Variants in HOXB1 observed in about 807,000 individuals in gnomAD.
HOXB1 encodes the protein homeobox protein Hox-B1.
In HOXB1, 13 loss-of-function variants were observed where a neutral mutation model predicts 26.9. That is an observed-to-expected ratio of 0.48 (90% CI 0.31 to 0.77). The LOEUF is 0.77. HOXB1 is among the 30% of genes least tolerant of loss of function. HOXB1 has a pLI of 0.04. For missense variants in HOXB1, 366 were observed against 403.6 expected (o/e 0.91, Z 0.80); for synonymous variants, 168 against 170.8 (o/e 0.98, Z 0.13).
At chr17:48,530,000 TC>T in intron 1 of HOXB1, 125 bp from the exon 2 acceptor site, 1 of 831,348 alleles carries the variant, frequency 1.2e-6, no homozygotes, top group Non-Finnish European at 1.9e-6. Context: ...TTGTCAAAGT[TC>T]CCAGGGACCA....
chr17:48,530,667 C>A lies in HOXB1; in HGVS notation c.238G>T (p.Ala80Ser), dbSNP rs199503961. Residue 80 changes from alanine to serine, a missense_variant, in exon 1 of 2, where the codon GCG becomes TCG. Coordinates refer to ENST00000239174, the MANE Select transcript of HOXB1 (RefSeq NM_002144.4). This position sits in a 1 kb window ranked among gnomAD's most constrained non-coding sequence, Gnocchi z 6.2. ...GCGGCAGGAGCATACCCCGAGGGCG[C>A]GGAGCTGGGGAAGGGCACCCCCAGG... is the stretch of plus-strand genomic sequence containing the variant. ...STLGVPFPSS[A>S]PSGYAPAACS... 1 of 1,613,610 alleles carries A rather than the reference C, an allele frequency of 6.2e-7. No individual in the cohort carries two copies. The highest frequency in any genetic ancestry group is 1.1e-5 in the South Asian group (1 of 91,072).
At position 48,529,675 on chromosome 17, in the gene HOXB1, T is replaced by G. The variant is rs1252047691; in HGVS notation, c.778A>C (p.Lys260Gln). 3 of 1,612,918 alleles carry G rather than the reference T, an allele frequency of 1.9e-6. No individual in the cohort carries two copies. Among genetic ancestry groups the G allele is most frequent in the African/African-American group, 1.3e-5 (1 of 74,908 alleles). The change falls in exon 2 of 2, where the codon AAG (lysine) becomes CAG (glutamine). Residue 260 changes from lysine (K) to glutamine (Q), a missense_variant. Lys to Gln is a moderately conservative substitution (Grantham distance 53, BLOSUM62 1). Transcript: ENST00000239174. ...ACCCGACCTTCCTCTCGCTCGCGCT[T>G]CTTCTGCTTCATTCGTCGGTTCTGG... is the stretch of plus-strand genomic sequence containing the variant. ...WFQNRRMKQK[K>Q]REREEGRVPP... is the part of the protein sequence containing the mutation.
Position 48,530,641 on chromosome 17 carries a change from G to A in HOXB1, c.264C>T (p.Ala88=). 6.2e-7 allele frequency: 1 copy of A among 1,613,906 alleles called. No individual in the cohort carries two copies. Among genetic ancestry groups the A allele is most frequent in the Admixed American group, 1.7e-5 (1 of 60,024 alleles). ...GAGAAGGCCCGTAGCTGGGGCTGCA[G>A]GCGGCAGGAGCATACCCCGAGGGCG... ...SSAPSGYAPA[A]CSPSYGPSQY... is the part of the protein sequence containing the mutation. Residue 88 remains alanine, a synonymous_variant, in exon 1 of 2, where the codon GCC becomes GCT. Coordinates refer to ENST00000239174, the MANE Select transcript of HOXB1 (RefSeq NM_002144.4). The surrounding 1 kb of genome is among the most constrained non-coding windows in gnomAD (Gnocchi z 6.2).
chr17:48,529,525 C>G lies in HOXB1; in HGVS notation c.*22G>C, dbSNP rs2068419375. 11 of 1,505,574 alleles carry G rather than the reference C, an allele frequency of 7.3e-6. No homozygotes were observed. Among genetic ancestry groups the G allele is most frequent in the Non-Finnish European group, 9.8e-6 (11 of 1,124,776 alleles). The allele number at this position is 1,505,574 out of a possible 1,614,324, so 93.3% of individuals were successfully genotyped here. A position where few individuals can be genotyped will look rare whatever the true frequency, so the allele number is the denominator to read the frequency against. On this transcript the variant is annotated 3_prime_UTR_variant, in exon 2 of 2. Transcript: ENST00000239174. Reference sequence around the variant, plus strand: ...CTGGGGCGCTCCAGTGCCTGGAAGCCCCATTGGTGGCTAGGTTCAGTTCAG... The same window carrying G: ...CTGGGGCGCTCCAGTGCCTGGAAGCGCCATTGGTGGCTAGGTTCAGTTCAG...
chr17:48,529,535 G>A lies in HOXB1; in HGVS notation c.*12C>T, dbSNP rs769620639. 77 of 1,511,864 alleles carry A rather than the reference G, an allele frequency of 5.1e-5. 1 individual carries two copies. The South Asian group carries it at 9.5e-4, about 19-fold the overall frequency. The allele number at this position is 1,511,864 out of a possible 1,614,324, so 93.7% of individuals were successfully genotyped here. A position where few individuals can be genotyped will look rare whatever the true frequency, so the allele number is the denominator to read the frequency against. The stretch of plus-strand genomic sequence containing the variant: ...CCAGTGCCTGGAAGCCCCATTGGTG[G>A]CTAGGTTCAGTTCAGGAGGTGACAG... On this transcript the variant is annotated 3_prime_UTR_variant, in exon 2 of 2. Transcript: ENST00000239174.
At position 48,529,619 on chromosome 17, in the gene HOXB1, C is replaced by T. The variant is rs201731586; in HGVS notation, c.834G>A (p.Glu278=). Residue 278 remains glutamate, a synonymous_variant, in exon 2 of 2, where the codon GAG becomes GAA. Coordinates refer to ENST00000239174, the MANE Select transcript of HOXB1 (RefSeq NM_002144.4). ...ACTGGTCTGAGGCATCTCCAGCTGC[C>T]TCCTTGGGGCAGCCTGGTGGGGCTG... The part of the protein sequence containing the change: ...VPPAPPGCPK[E]AAGDASDQST... The T allele has an allele frequency of 1.1e-5, 18 of 1,592,622 alleles. No individual in the cohort carries two copies. The East Asian group carries it at 3.8e-4, about 34-fold the overall frequency.
chr17:48,530,714 G>C lies in HOXB1; in HGVS notation c.191C>G (p.Pro64Arg). ...SPAFQQNSGYPAQQPPSTLGV... is the reference protein window; with the variant it reads ...SPAFQQNSGYRAQQPPSTLGV... ...CAGGGTCGAAGGCGGCTGCTGGGCGGGATAGCCGGAGTTCTGCTGAAACGC... is the reference window on the plus strand; with the variant it reads ...CAGGGTCGAAGGCGGCTGCTGGGCGCGATAGCCGGAGTTCTGCTGAAACGC... Residue 64 changes from proline (P) to arginine (R), a missense_variant, in exon 1 of 2, where the codon CCC (proline) becomes CGC (arginine). Coordinates refer to ENST00000239174, the MANE Select transcript of HOXB1 (RefSeq NM_002144.4). The surrounding 1 kb of genome is among the most constrained non-coding windows in gnomAD (Gnocchi z 6.2). The C allele has an allele frequency of 6.2e-7, 1 of 1,612,366 alleles. No homozygotes were observed. The highest frequency in any genetic ancestry group is 8.5e-7 in the Non-Finnish European group (1 of 1,179,246).
Position 48,529,528 on chromosome 17 carries a change from A to T in HOXB1, c.*19T>A. Reference sequence around the variant, plus strand: ...GGGCGCTCCAGTGCCTGGAAGCCCCATTGGTGGCTAGGTTCAGTTCAGGAG... The same window carrying T: ...GGGCGCTCCAGTGCCTGGAAGCCCCTTTGGTGGCTAGGTTCAGTTCAGGAG... On this transcript the variant is annotated 3_prime_UTR_variant, in exon 2 of 2. Coordinates refer to ENST00000239174, the MANE Select transcript of HOXB1 (RefSeq NM_002144.4). 3.3e-6 allele frequency: 5 copies of T among 1,506,840 alleles called. No homozygotes were observed. Among genetic ancestry groups the T allele is most frequent in the Admixed American group, 4.5e-5 (2 of 44,306 alleles). 93.3% of individuals were successfully genotyped at this position (1,506,840 alleles called of 1,614,324 possible). A position where few individuals can be genotyped will look rare whatever the true frequency, so the allele number is the denominator to read the frequency against.
chr17:48,529,510 C>A lies in HOXB1; in HGVS notation c.*37G>T. 1 of 1,483,054 alleles carries A rather than the reference C, an allele frequency of 6.7e-7. No individual in the cohort carries two copies. Among genetic ancestry groups the A allele is most frequent in the Non-Finnish European group, 9.0e-7 (1 of 1,105,336 alleles). The allele number at this position is 1,483,054 out of a possible 1,614,324, so 91.9% of individuals were successfully genotyped here. A position where few individuals can be genotyped will look rare whatever the true frequency, so the allele number is the denominator to read the frequency against. ...TGGGATAGGGCTGGACTGGGGCGCT[C>A]CAGTGCCTGGAAGCCCCATTGGTGG... On this transcript the variant is annotated 3_prime_UTR_variant, in exon 2 of 2. Coordinates refer to ENST00000239174, the MANE Select transcript of HOXB1 (RefSeq NM_002144.4).
chr17:48,530,193 GTAGGTTGTGCTC>G lies in HOXB1; in HGVS notation c.577+123_577+134del. ...GGGGAGACCTCACCTGACCTGAGAC[GTAGGTTGTGCTC>G]TTACCTGTGTCTACCAGAGCCGCTG... On this transcript the variant is annotated intron_variant, in intron 1 of 1. Transcript: ENST00000239174. This position sits in a 1 kb window ranked among gnomAD's most constrained non-coding sequence, Gnocchi z 6.2. 1.3e-6 allele frequency: 1 copy of G among 779,566 alleles called. No homozygotes were observed. Among genetic ancestry groups the G allele is most frequent in the South Asian group, 1.7e-5 (1 of 57,710 alleles). 48.3% of individuals were successfully genotyped at this position (779,566 alleles called of 1,614,324 possible).
At position 48,530,954 on chromosome 17, in the gene HOXB1, C is replaced by T; in HGVS notation, c.-50G>A. The T allele has an allele frequency of 7.5e-7, 1 of 1,333,370 alleles. No homozygotes were observed. The highest frequency in any genetic ancestry group is 1.0e-6 in the Non-Finnish European group (1 of 977,878). The allele number at this position is 1,333,370 out of a possible 1,614,324, so 82.6% of individuals were successfully genotyped here. A position where few individuals can be genotyped will look rare whatever the true frequency, so the allele number is the denominator to read the frequency against. On this transcript the variant is annotated 5_prime_UTR_variant, in exon 1 of 2. Transcript: ENST00000239174. This position sits in a 1 kb window ranked among gnomAD's most constrained non-coding sequence, Gnocchi z 6.2. ...CCCGTTTGGGGGAGACACCCTCTTG[C>T]CCTACAACCTTTCGGCAGTATGTCA...
rs897285207 is a variant in HOXB1 at position 48,529,458 on chromosome 17, A to G, written c.*89T>C. ...CTAGAGAGGATCCCCAGGCCAGTGAAGCCCAGGCCTGGGGTTGGGGAGAGC... is the reference window on the plus strand; with the variant it reads ...CTAGAGAGGATCCCCAGGCCAGTGAGGCCCAGGCCTGGGGTTGGGGAGAGC... On this transcript the variant is annotated 3_prime_UTR_variant, in exon 2 of 2. Transcript: ENST00000239174. 1 of 1,027,774 alleles carries G rather than the reference A, an allele frequency of 9.7e-7. No homozygotes were observed. The highest frequency in any genetic ancestry group is 2.6e-5 in the East Asian group (1 of 38,502). The allele number at this position is 1,027,774 out of a possible 1,614,324, so 63.7% of individuals were successfully genotyped here.
Position 48,530,845 on chromosome 17 carries a change from G to A in HOXB1, c.60C>T (p.Ser20=), listed in dbSNP as rs537215928. 6 of 1,565,460 alleles carry A rather than the reference G, an allele frequency of 3.8e-6. No homozygotes were observed. The highest frequency in any genetic ancestry group is 1.2e-5 in the South Asian group (1 of 81,504). ...TTGGGGCGCTGTGGGCGCTGTAGGC[G>A]CTGGGTCCCCGGTTACAGAGTGGGT... ...LEYPLCNRGP[S]AYSAHSAPTS... is the part of the protein sequence containing the mutation. The change falls in exon 1 of 2, where the codon AGC becomes AGT. Residue 20 remains serine, a synonymous_variant. Transcript: ENST00000239174. The surrounding 1 kb of genome is among the most constrained non-coding windows in gnomAD (Gnocchi z 6.2).
In HOXB1 at chr17:48,529,630, A is replaced by C; in HGVS notation, c.823T>G (p.Cys275Gly). 1.2e-6 allele frequency: 2 copies of C among 1,601,902 alleles called. No individual in the cohort carries two copies. Among genetic ancestry groups the C allele is most frequent in the South Asian group, 2.2e-5 (2 of 90,030 alleles). Residue 275 changes from cysteine to glycine, a missense_variant, in exon 2 of 2, where the codon TGC (cysteine) becomes GGC (glycine). Transcript: ENST00000239174. ...GCATCTCCAGCTGCCTCCTTGGGGC[A>C]GCCTGGTGGGGCTGGGGGGACCCGA... ...EGRVPPAPPG[C>G]PKEAAGDASD...
At position 48,530,075 on chromosome 17, in the gene HOXB1, C is replaced by T. The variant is rs1443724216; in HGVS notation, c.578-200G>A. The T allele has an allele frequency of 1.5e-5, 9 of 616,152 alleles. No homozygotes were observed. Among genetic ancestry groups the T allele is most frequent in the Middle Eastern group, 3.6e-4 (1 of 2,812 alleles). 38.2% of individuals were successfully genotyped at this position (616,152 alleles called of 1,614,324 possible). A position where few individuals can be genotyped will look rare whatever the true frequency, so the allele number is the denominator to read the frequency against. On this transcript the variant is annotated intron_variant, in intron 1 of 1. Coordinates refer to ENST00000239174, the MANE Select transcript of HOXB1 (RefSeq NM_002144.4). The surrounding 1 kb of genome is among the most constrained non-coding windows in gnomAD (Gnocchi z 6.2). The stretch of plus-strand genomic sequence containing the variant: ...CTTCCCCATACTTCCATCCCCCATG[C>T]ACACCAGGTCCTGGGTCTGTGCTGG...
At position 48,529,739 on chromosome 17, in the gene HOXB1, G is replaced by A. The variant is rs756198334; in HGVS notation, c.714C>T (p.Ala238=). The A allele has an allele frequency of 1.3e-5, 21 of 1,611,876 alleles. No individual in the cohort carries two copies. Among genetic ancestry groups the A allele is most frequent in the Non-Finnish European group, 1.8e-5 (21 of 1,179,976 alleles). The stretch of plus-strand genomic sequence containing the variant: ...CCTGTGTTTCATTGAGCTCCAGGGT[G>A]GCGGCAATCTCCACCCTCCGGGCCC... ...LSRARRVEIA[A]TLELNETQVK... is the part of the protein sequence containing the mutation. Residue 238 remains alanine, a synonymous_variant, in exon 2 of 2, where the codon GCC becomes GCT. Coordinates refer to ENST00000239174, the MANE Select transcript of HOXB1 (RefSeq NM_002144.4).
chr17:48,529,323 A>T lies in HOXB1; in HGVS notation c.*224T>A. The T allele has an allele frequency of 2.5e-6, 1 of 401,984 alleles. No homozygotes were observed. Among genetic ancestry groups the T allele is most frequent in the Non-Finnish European group, 4.4e-6 (1 of 227,488 alleles). The allele number at this position is 401,984 out of a possible 1,614,324, so 24.9% of individuals were successfully genotyped here. The stretch of plus-strand genomic sequence containing the variant: ...CTTCCCTCTACATTTGACAGGTTCC[A>T]TGCCTCCCAGGCCTCTGGTCCTGTA... On this transcript the variant is annotated 3_prime_UTR_variant, in exon 2 of 2. Coordinates refer to ENST00000239174, the MANE Select transcript of HOXB1 (RefSeq NM_002144.4).
chr17:48,528,578 A>AC lies in HOXB1; in HGVS notation c.*968dup, dbSNP rs1486942607. 1 of 152,296 alleles carries AC rather than the reference A, an allele frequency of 6.6e-6. No individual in the cohort carries two copies. The highest frequency in any genetic ancestry group is 1.5e-5 in the Non-Finnish European group (1 of 68,096). 9.4% of individuals were successfully genotyped at this position (152,296 alleles called of 1,614,324 possible). ...TGAGGTAGTTGCAGGTACAGAGAGAACCCGGGCTCACTTGGGGCTCAGGTT... is the reference window on the plus strand; with the variant it reads ...TGAGGTAGTTGCAGGTACAGAGAGAACCCCGGGCTCACTTGGGGCTCAGGTT... On this transcript the variant is annotated 3_prime_UTR_variant, in exon 2 of 2. Transcript: ENST00000239174.
In HOXB1 at chr17:48,529,644, G is replaced by C. The variant is rs1393885598; in HGVS notation, c.809C>G (p.Pro270Arg). Residue 270 changes from proline (P) to arginine (R), a missense_variant, in exon 2 of 2, where the codon CCA becomes CGA. Transcript: ENST00000239174. ...KREREEGRVP[P>R]APPGCPKEAA... is the part of the protein sequence containing the mutation. ...CTCCTTGGGGCAGCCTGGTGGGGCT[G>C]GGGGGACCCGACCTTCCTCTCGCTC... is the stretch of plus-strand genomic sequence containing the variant. 4 of 1,607,832 alleles carry C rather than the reference G, an allele frequency of 2.5e-6. No individual in the cohort carries two copies. The highest frequency in any genetic ancestry group is 1.7e-4 in the Middle Eastern group (1 of 6,058).
Sources: gnomAD v4.1 joint callset for allele counts on GRCh38, gnomAD v4.1.1 for gene constraint, Gnocchi (gnomAD v3.1) non-coding constraint, MANE v1.5 for transcripts, NCBI Gene and HGNC (gene_info 2026-07-23, HGNC 2026-07-21) for gene names.